NCKAP5: variants seen among roughly 807,000 people sequenced by gnomAD.
NCKAP5 encodes the protein nck-associated protein 5.
A neutral mutation model predicts 167.0 loss-of-function variants in NCKAP5; 92 were observed. The observed-to-expected ratio is 0.55, with a 90% confidence interval of 0.47 to 0.66. The LOEUF (loss-of-function observed/expected upper bound fraction) is 0.66, where lower values mean the gene tolerates loss of function less well. Ranked by LOEUF, NCKAP5 falls within the 30% of genes least tolerant of loss-of-function variation. The pLI is 0.00. For missense variants in NCKAP5, 2,378 were observed against 2,315.0 expected (o/e 1.03, Z -0.56); for synonymous variants, 891 against 877.4 (o/e 1.02, Z -0.27).
intron 13 of NCKAP5, among the ~76,000 whole-genome samples, chr2:132,789,400 C>A (rs1290681843): frequency 1.3e-5 from 2 of 152,174 alleles, no homozygotes; most frequent in Non-Finnish European, 2.9e-5. Flanking sequence ...GCCCTAAATG[C>A]AACCTTGAGA....
At chr2:132,773,614 C>T (rs1436003067) in intron 16 of NCKAP5, among the ~76,000 whole-genome samples, 1 of 152,116 alleles carries the variant, frequency 6.6e-6, no homozygotes, top group Non-Finnish European at 1.5e-5. Flanking sequence ...TTTGGAAATA[C>T]CTGTTTTCCT....
At chr2:133,049,407 T>C (rs1170966014) in intron 6 of NCKAP5, among the ~76,000 whole-genome samples, 2 of 151,626 alleles carry the variant, frequency 1.3e-5, no homozygotes, top group Admixed American at 6.6e-5. Flanking sequence ...TAGCCAGGCG[T>C]GGTGGCAGGC....
the NCKAP5 span, among the ~76,000 whole-genome samples, chr2:133,661,454 C>A: frequency 6.6e-6 from 1 of 152,088 alleles, no homozygotes. Flanking sequence ...AAATTTTCAG[C>A]CTTCTTTTGA....
At chr2:132,954,029 G>A (rs1442870794) in intron 8 of NCKAP5, among the ~76,000 whole-genome samples, 1 of 152,176 alleles carries the variant, frequency 6.6e-6, no homozygotes, top group East Asian at 1.9e-4. Context: ...CTGAGAGTTG[G>A]AGAAAGCTTT....
chr2:133,662,091 T>G, the NCKAP5 span, among the ~76,000 whole-genome samples: 14 of 152,280 alleles, frequency 9.2e-5, 1 homozygote, highest in African/African-American at 3.4e-4. Flanking sequence ...TAAATATTTG[T>G]CCTGTCTGCC....
At chr2:133,012,495 G>A (rs1228101202) in intron 6 of NCKAP5, among the ~76,000 whole-genome samples, 10 of 152,108 alleles carry the variant, frequency 6.6e-5, no homozygotes, top group East Asian at 3.9e-4. Context: ...TGATCTGCCC[G>A]CCTCGGCCTC....
At chr2:133,267,939 G>A (rs1282646610) in intron 4 of NCKAP5, among the ~76,000 whole-genome samples, 1 of 152,132 alleles carries the variant, frequency 6.6e-6, no homozygotes, top group Non-Finnish European at 1.5e-5. Flanking sequence ...AAGTCTTAAA[G>A]CATGGAAGAA....
At chr2:133,357,490 C>A (rs530264758) in intron 3 of NCKAP5, among the ~76,000 whole-genome samples, 8 of 151,792 alleles carry the variant, frequency 5.3e-5, no homozygotes, top group Non-Finnish European at 1.2e-4. Context: ...AAAATTAAAC[C>A]AATTTAATTA....
chr2:132,908,497 A>G (rs756927424), intron 8 of NCKAP5, among the ~76,000 whole-genome samples: 3 of 152,316 alleles, frequency 2.0e-5, no homozygotes, highest in Middle Eastern at 3.4e-3. Flanking sequence ...ATATCCTCCG[A>G]CTGTCTTAGC....
chr2:133,046,669 G>A (rs1166088363), intron 6 of NCKAP5, among the ~76,000 whole-genome samples: 1 of 152,132 alleles, frequency 6.6e-6, no homozygotes, highest in East Asian at 1.9e-4. Flanking sequence ...ATGAGCCACT[G>A]CACTTGGCCC....
chr2:133,305,826 AT>A (rs1191339185), intron 3 of NCKAP5, among the ~76,000 whole-genome samples: 1 of 152,094 alleles, frequency 6.6e-6, no homozygotes, highest in East Asian at 1.9e-4. Flanking sequence ...TTTCAGCTTT[AT>A]TTTTTCTCTA....
At chr2:132,952,318 C>T (rs2076212667) in intron 8 of NCKAP5, among the ~76,000 whole-genome samples, 1 of 152,134 alleles carries the variant, frequency 6.6e-6, no homozygotes, top group Non-Finnish European at 1.5e-5. Context: ...GAAGCTCCCA[C>T]ACAAATCTGA....
At chr2:133,051,992 C>A (rs2079621305) in intron 6 of NCKAP5, among the ~76,000 whole-genome samples, 1 of 152,064 alleles carries the variant, frequency 6.6e-6, no homozygotes, top group Non-Finnish European at 1.5e-5. Context: ...TACAGAGTAC[C>A]AAGAATCATA....
intron 2 of NCKAP5, among the ~76,000 whole-genome samples, chr2:133,534,163 C>T (rs1685577274): frequency 6.6e-6 from 1 of 152,056 alleles, no homozygotes; most frequent in Non-Finnish European, 1.5e-5. Flanking sequence ...ACCTGTATAC[C>T]TTCTGACAAA....
chr2:132,783,313 C>A lies in NCKAP5; in HGVS notation c.3498G>T (p.Val1166=), dbSNP rs1347111684. ...SPQLLRKSST[V]PGKHEKDSLN... is the part of the protein sequence containing the mutation. ...AACTGTCTTTTTCATGTTTCCCTGG[C>A]ACGGTGGAACTTTTCCTGAGCAGCT... is the stretch of plus-strand genomic sequence containing the variant. The change falls in exon 14 of 20, where the codon GTG becomes GTT. Residue 1166 remains valine (V), a synonymous_variant. Transcript: ENST00000409261. The A allele has an allele frequency of 6.2e-7, 1 of 1,613,788 alleles. No homozygotes were observed. Among genetic ancestry groups the A allele is most frequent in the Admixed American group, 1.7e-5 (1 of 59,990 alleles).
intron 3 of NCKAP5, among the ~76,000 whole-genome samples, chr2:133,421,751 T>C (rs1054696116): frequency 6.6e-6 from 1 of 152,210 alleles, no homozygotes; most frequent in Admixed American, 6.5e-5. Flanking sequence ...GCCTCAGCTC[T>C]CTGATCTGAC....
chr2:133,280,512 T>A (rs980723514), intron 4 of NCKAP5, among the ~76,000 whole-genome samples: 6 of 152,084 alleles, frequency 3.9e-5, no homozygotes, highest in Non-Finnish European at 7.4e-5. Flanking sequence ...GCTCGAGCCA[T>A]CCTCCCACCT....
the NCKAP5 span, among the ~76,000 whole-genome samples, chr2:133,606,189 G>A: frequency 6.6e-6 from 1 of 152,084 alleles, no homozygotes; most frequent in African/African-American, 2.4e-5. Flanking sequence ...AACATCAGAG[G>A]TCTAGTAATA....
At chr2:132,943,095 C>A (rs1697422561) in intron 8 of NCKAP5, among the ~76,000 whole-genome samples, 1 of 152,186 alleles carries the variant, frequency 6.6e-6, no homozygotes, top group Non-Finnish European at 1.5e-5. Flanking sequence ...AGGGTCTGAA[C>A]CTACCAGGGT....
Sources: gnomAD v4.1 joint callset for allele counts (sites outside exome capture counted in the v4.1 genomes callset) on GRCh38, gnomAD v4.1.1 for gene constraint, MANE v1.5 for transcripts, NCBI Gene and HGNC (gene_info 2026-07-23, HGNC 2026-07-21) for gene names.